The following FAP variants were observed in gnomAD, a reference collection of about 807,000 sequenced individuals.
The protein encoded by FAP is fibroblast activation protein alpha, also known as prolyl endopeptidase FAP.
In FAP, 110 loss-of-function variants were observed where a neutral mutation model predicts 126.5. That is an observed-to-expected ratio of 0.87 (90% CI 0.74 to 1.02). FAP has a LOEUF of 1.02. FAP is among the 50% of genes least tolerant of loss of function. The probability of loss-of-function intolerance (pLI) is 0.00; values close to 1 mark genes in which losing one functional copy is unlikely to be tolerated. For missense variants in FAP, 919 were observed against 909.2 expected, an observed-to-expected ratio of 1.01 and a Z score of -0.14; for synonymous variants, 334 against 297.3, an observed-to-expected ratio of 1.12 and a Z score of -1.27.
rs1690438546 is a variant in FAP at position 162,243,434 on chromosome 2, T to G, written c.-107A>C. On this transcript the variant is annotated 5_prime_UTR_variant, in exon 1 of 26. Transcript: ENST00000188790. ...CAAGTCTGTCTTTGTAGTTGGAAGCTGAAGCCAGGACAAGGTTTTTTTCTT... is the reference window on the plus strand; with the variant it reads ...CAAGTCTGTCTTTGTAGTTGGAAGCGGAAGCCAGGACAAGGTTTTTTTCTT... 1 of 1,453,082 alleles carries G rather than the reference T, an allele frequency of 6.9e-7. No individual in the cohort carries two copies. Among genetic ancestry groups the G allele is most frequent in the Non-Finnish European group, 9.2e-7 (1 of 1,087,368 alleles). 90.0% of individuals were successfully genotyped at this position (1,453,082 alleles called of 1,614,324 possible).
At position 162,215,997 on chromosome 2, in the gene FAP, C is replaced by T; in HGVS notation, c.767G>A (p.Gly256Glu). The T allele has an allele frequency of 1.2e-6, 2 of 1,612,720 alleles. No homozygotes were observed. Among genetic ancestry groups the T allele is most frequent in the Non-Finnish European group, 1.7e-6 (2 of 1,178,946 alleles). ...RTINIPYPKA[G>E]AKNPVVRIFI... Reference sequence around the variant, plus strand: ...TATCCGAACAACGGGATTCTTAGCTCCAGCCTGCCAAGAAAATTGAGATAT... The same window carrying T: ...TATCCGAACAACGGGATTCTTAGCTTCAGCCTGCCAAGAAAATTGAGATAT... The change falls in exon 10 of 26, where the codon GGA (glycine) becomes GAA (glutamate). Residue 256 changes from glycine (G) to glutamate (E), a missense_variant. Physicochemically the swap from Gly to Glu is moderately conservative, Grantham distance 98 (BLOSUM62 -2). Coordinates refer to ENST00000188790, the MANE Select transcript of FAP (RefSeq NM_004460.5).
At chr2:162,194,769 A>C in intron 16 of FAP, 21 bp from the exon 17 acceptor site, 1 of 1,611,702 alleles carries the variant, frequency 6.2e-7, no homozygotes, top group Non-Finnish European at 8.5e-7. Flanking sequence ...GATGAAAACA[A>C]AATCATGGCT....
chr2:162,214,068 T>C lies in FAP; in HGVS notation c.872A>G (p.Tyr291Cys), dbSNP rs1269109485. ...AACCCACGTGAGCCAACTGAAATAA[T>C]AATCACTGCAAATAAAATAGAAACA... The part of the protein sequence containing the change: ...PVPAMIASSD[Y>C]YFSWLTWVTD... The change falls in exon 11 of 26, where the codon TAT becomes TGT. Residue 291 changes from tyrosine (Y) to cysteine (C), a missense_variant. Transcript: ENST00000188790. The C allele has an allele frequency of 1.4e-5, 23 of 1,613,678 alleles. No homozygotes were observed. Among genetic ancestry groups the C allele is most frequent in the Non-Finnish European group, 1.9e-5 (23 of 1,179,886 alleles).
intron 8 of FAP, 39 bp from the exon 9 acceptor site, chr2:162,218,179 C>A: frequency 3.7e-6 from 5 of 1,351,816 alleles, no homozygotes; most frequent in Non-Finnish European, 5.1e-6. Context: ...ATAATTACAT[C>A]TTACTCTTAA....
chr2:162,197,516 A>G (rs1688299245), intron 16 of FAP: 6 of 456,342 alleles, frequency 1.3e-5, no homozygotes, highest in Non-Finnish European at 2.2e-5. Context: ...ATCTCTTGAC[A>G]TTTCAAAGAT....
At chr2:162,173,055 C>T (rs1412083798) in intron 24 of FAP, 94 bp downstream of exon 24, 1 of 1,254,782 alleles carries the variant, frequency 8.0e-7, no homozygotes, top group Non-Finnish European at 1.2e-6. Flanking sequence ...AGGTACTGAC[C>T]CTGAGCATAG....
At chr2:162,238,029 A>G (rs937743353) in intron 2 of FAP, among the ~76,000 whole-genome samples, 1 of 149,226 alleles carries the variant, frequency 6.7e-6, no homozygotes, top group Non-Finnish European at 1.5e-5. Flanking sequence ...TCGTTTGCCC[A>G]CTTTTTGATG....
rs375172414 is a variant in FAP, at chr2:162,184,515, A to T, written c.1815-1047T>A. Among the ~76,000 whole-genome samples, 12 of 152,348 alleles carry T rather than the reference A, an allele frequency of 7.9e-5. No individual in the cohort carries two copies. In the East Asian group the frequency reaches 1.7e-3, roughly 22 times the overall value. On this transcript the variant is annotated intron_variant, in intron 20 of 25. Transcript: ENST00000188790. Reference sequence around the variant, plus strand: ...CATTGATTCAACATGCACGTTTCCGATGCATAGAGAAGTTGGGCAAATGCC... The same window carrying T: ...CATTGATTCAACATGCACGTTTCCGTTGCATAGAGAAGTTGGGCAAATGCC...
intron 20 of FAP, among the ~76,000 whole-genome samples, chr2:162,184,990 T>C (rs776463344): frequency 6.6e-6 from 1 of 152,132 alleles, no homozygotes; most frequent in Non-Finnish European, 1.5e-5. Context: ...AGTGCAATAG[T>C]TAACATGGAA....
At chr2:162,230,254 CAT>C (rs1307090634) in intron 2 of FAP, among the ~76,000 whole-genome samples, 2 of 152,166 alleles carry the variant, frequency 1.3e-5, no homozygotes, top group African/African-American at 4.8e-5. Context: ...CATTAAGTCA[CAT>C]GTTAGAATAA....
chr2:162,225,762 C>T (rs1315634951), intron 3 of FAP, among the ~76,000 whole-genome samples, 185 bp from the exon 4 acceptor site: 2 of 152,194 alleles, frequency 1.3e-5, no homozygotes, highest in Admixed American at 6.5e-5. Flanking sequence ...CTTTGTTCTA[C>T]TTCACACAAA....
chr2:162,200,723 T>C (rs775000615), intron 14 of FAP, 104 bp from the exon 15 acceptor site: 10 of 556,226 alleles, frequency 1.8e-5, no homozygotes, highest in African/African-American at 1.0e-4. Flanking sequence ...ATTTATCTAA[T>C]GAAACAATTA....
intron 21 of FAP, among the ~76,000 whole-genome samples, chr2:162,182,594 C>T (rs1576138603): frequency 6.6e-6 from 1 of 152,130 alleles, no homozygotes; most frequent in South Asian, 2.1e-4. Context: ...CCCTTCTTCT[C>T]GTGCAGGCCG....
chr2:162,196,742 C>T (rs1240767743), intron 16 of FAP, among the ~76,000 whole-genome samples: 4 of 152,096 alleles, frequency 2.6e-5, no homozygotes, highest in African/African-American at 9.7e-5. Flanking sequence ...CATAATGAGG[C>T]TTTACTCTTA....
intron 2 of FAP, among the ~76,000 whole-genome samples, chr2:162,235,402 C>A (rs756153380): frequency 7.9e-5 from 12 of 152,322 alleles, no homozygotes; most frequent in Admixed American, 6.5e-4. Context: ...ACTTGGAGAA[C>A]CTTTGTGTCT....
intron 2 of FAP, among the ~76,000 whole-genome samples, chr2:162,239,043 T>C (rs868065125): frequency 6.6e-6 from 1 of 152,202 alleles, no homozygotes; most frequent in South Asian, 2.1e-4. Flanking sequence ...CAATTACATA[T>C]GTATATACAT....
intron 15 of FAP, 71 bp from the exon 16 acceptor site, chr2:162,198,952 T>C: frequency 1.5e-6 from 2 of 1,333,102 alleles, no homozygotes; most frequent in South Asian, 2.5e-5. Flanking sequence ...CTACTCCATG[T>C]AAAGTGACTA....
rs772252371 is a variant in FAP, at chr2:162,173,171, A to G, written c.2085T>C (p.Leu695=). 2.5e-6 allele frequency: 4 copies of G among 1,613,120 alleles called. No individual in the cohort carries two copies. In the South Asian group the frequency reaches 3.3e-5, roughly 13 times the overall value. ...CACCATCTGCTGTTCCGTGGATGAGAAGATAGTCTACATTTCTGAAATATT... is the reference window on the plus strand; with the variant it reads ...CACCATCTGCTGTTCCGTGGATGAGGAGATAGTCTACATTTCTGAAATATT... ...RAEYFRNVDY[L]LIHGTADDNV... is the part of the protein sequence containing the mutation. The change falls in exon 24 of 26, where the codon CTT becomes CTC. Residue 695 remains leucine, a synonymous_variant. Coordinates refer to ENST00000188790, the MANE Select transcript of FAP (RefSeq NM_004460.5).
rs568715161 is a variant in FAP, at chr2:162,226,754, C to T, written c.92-133G>A. ...TGTTTGCTAAGTGGTTGTTGAACTC[C>T]TATCATCATAACTATTATTATTAAT... On this transcript the variant is annotated intron_variant, in intron 2 of 25. Coordinates refer to ENST00000188790, the MANE Select transcript of FAP (RefSeq NM_004460.5). 5.9e-5 allele frequency: 32 copies of T among 546,286 alleles called. No homozygotes were observed. In the Admixed American group the frequency reaches 1.1e-3, roughly 19 times the overall value. The allele number at this position is 546,286 out of a possible 1,614,324, so 33.8% of individuals were successfully genotyped here. A position where few individuals can be genotyped will look rare whatever the true frequency, so the allele number is the denominator to read the frequency against.
Sources: gnomAD v4.1 joint callset for allele counts (sites outside exome capture counted in the v4.1 genomes callset) on GRCh38, gnomAD v4.1.1 for gene constraint, MANE v1.5 for transcripts, NCBI Gene and HGNC (gene_info 2026-07-23, HGNC 2026-07-21) for gene names.